GSE1: variants seen among roughly 807,000 people sequenced by gnomAD.
GSE1 encodes the protein Gse1 coiled-coil protein.
GSE1 carries 32 observed loss-of-function variants against 112.6 expected under a neutral mutation model. The observed-to-expected ratio is 0.28, with a 90% CI of 0.21 to 0.38. The LOEUF is 0.38. Ranked by LOEUF, GSE1 falls within the 10% of genes least tolerant of loss-of-function variation. GSE1 has a pLI of 1.00. For synonymous variants in GSE1, 1,115 were observed against 735.6 expected (o/e 1.52, Z -8.35); for missense variants, 2,348 against 1,699.2 (o/e 1.38, Z -6.71).
chr16:85,649,402 C>A (rs949334174), intron 3 of GSE1, among the ~76,000 whole-genome samples: 1 of 152,192 alleles, frequency 6.6e-6, no homozygotes, highest in African/African-American at 2.4e-5. Context: ...TAGGAAAGAT[C>A]CCAGCCCAGA....
intron 1 of GSE1, among the ~76,000 whole-genome samples, chr16:85,231,226 T>C (rs1306225192): frequency 2.8e-5 from 4 of 140,418 alleles, no homozygotes; most frequent in Non-Finnish European, 4.6e-5. Flanking sequence ...GATGGATGGA[T>C]GATGATGGAT....
At chr16:85,564,198 G>A (rs80025778) in intron 1 of GSE1, among the ~76,000 whole-genome samples, 12,072 of 152,318 alleles carry the variant, frequency 0.079, 681 homozygotes, top group Non-Finnish European at 0.13. Context: ...CCTGGAGGAG[G>A]TGGCACTAAA....
intron 1 of GSE1, among the ~76,000 whole-genome samples, chr16:85,176,552 T>TC (rs1196206884): frequency 2.0e-5 from 3 of 152,220 alleles, no homozygotes; most frequent in African/African-American, 7.2e-5. Context: ...CGAAGATGGG[T>TC]CTGCTGCATG....
At chr16:85,664,207 A>T (rs1244850913) in intron 11 of GSE1, among the ~76,000 whole-genome samples, 1 of 152,262 alleles carries the variant, frequency 6.6e-6, no homozygotes, top group Non-Finnish European at 1.5e-5. Context: ...CTTGGCCTGC[A>T]GCGCAGGCTG....
Position 85,673,715 on chromosome 16 carries a change from A to T in GSE1, c.*1176A>T, listed in dbSNP as rs1399879207. ...GCCCCCAGCATCTGGACAAGCTAAT[A>T]GCAAATATTACCCATTGCTATCAAG... On this transcript the variant is annotated 3_prime_UTR_variant, in exon 16 of 16. Transcript: ENST00000253458. 6.6e-6 allele frequency: 1 copy of T among 152,232 alleles called. No homozygotes were observed. The highest frequency in any genetic ancestry group is 1.5e-5 in the Non-Finnish European group (1 of 68,064). The allele number at this position is 152,232 out of a possible 1,614,324, so 9.4% of individuals were successfully genotyped here.
At chr16:85,433,725 G>T (rs897583187) in intron 2 of GSE1, among the ~76,000 whole-genome samples, 1 of 152,112 alleles carries the variant, frequency 6.6e-6, no homozygotes, top group Non-Finnish European at 1.5e-5. Flanking sequence ...GATAGATGGT[G>T]GATGGAGGGT....
intron 2 of GSE1, among the ~76,000 whole-genome samples, chr16:85,546,057 T>A (rs1487617000): frequency 1.3e-5 from 2 of 152,094 alleles, no homozygotes; most frequent in Non-Finnish European, 2.9e-5. Flanking sequence ...AGTGCTGGGA[T>A]TACAGGCGGG....
chr16:85,573,117 G>A (rs1234961692), intron 1 of GSE1, among the ~76,000 whole-genome samples: 1 of 152,168 alleles, frequency 6.6e-6, no homozygotes, highest in Non-Finnish European at 1.5e-5. Context: ...GCCCGCCTCG[G>A]CCTCACAAAG....
intron 2 of GSE1, among the ~76,000 whole-genome samples, chr16:85,517,264 T>G (rs2051980550): frequency 1.3e-5 from 2 of 151,896 alleles, no homozygotes; most frequent in African/African-American, 4.8e-5. Flanking sequence ...AGGAGATGGG[T>G]TACCTGAGGA....
intron 1 of GSE1, among the ~76,000 whole-genome samples, chr16:85,203,359 G>A (rs1280598926): frequency 6.6e-6 from 1 of 152,240 alleles, no homozygotes; most frequent in Non-Finnish European, 1.5e-5. Context: ...GGTGGGGCAG[G>A]TGCGGGATGC....
chr16:85,648,653 G>A lies in GSE1; in HGVS notation c.328G>A (p.Val110Ile), dbSNP rs138417000. The change falls in exon 3 of 16, where the codon GTC becomes ATC. Residue 110 changes from valine to isoleucine, a missense_variant. Physicochemically the swap from Val to Ile is conservative, Grantham distance 29. Transcript: ENST00000253458. ...GCGCGTGCCCATGGGCCCTATCATC[G>A]TCCCCCCTGGGGGCCACAGCGTGCC... The part of the protein sequence containing the change: ...PKRVPMGPII[V>I]PPGGHSVPST... The A allele has an allele frequency of 5.6e-5, 89 of 1,599,226 alleles. No homozygotes were observed. The highest frequency in any genetic ancestry group is 9.0e-5 in the East Asian group (4 of 44,400).
At position 85,331,411 on chromosome 16, in the gene GSE1, A is replaced by T. The variant is rs948316306; in HGVS notation, c.2284-26052A>T. Among the ~76,000 whole-genome samples, 7 of 138,376 alleles carry T rather than the reference A, an allele frequency of 5.1e-5. No individual in the cohort carries two copies. In the East Asian group the frequency reaches 1.4e-3, roughly 28 times the overall value. The allele number at this position is 138,376 out of a possible 152,430, so 90.8% of individuals were successfully genotyped here. On this transcript the variant is annotated intron_variant, in intron 1 of 2. Transcript: ENST00000637419. ...TATATATGTGTATATATGTATATAT[A>T]TGCGTATATATGTATATATGTATAT...
intron 1 of GSE1, chr16:85,283,012 G>A (rs917570914): frequency 6.6e-6 from 1 of 152,506 alleles, no homozygotes; most frequent in Non-Finnish European, 1.5e-5. Context: ...GGTCGGGCAG[G>A]GGGATCTGCT....
chr16:85,234,487 G>C (rs1904393139), intron 1 of GSE1, among the ~76,000 whole-genome samples: 1 of 152,220 alleles, frequency 6.6e-6, no homozygotes, highest in Non-Finnish European at 1.5e-5. Context: ...CCTGGAGACG[G>C]ATGGGCGGTT....
chr16:85,597,543 C>G (rs975448204), intron 1 of GSE1, among the ~76,000 whole-genome samples: 1 of 152,112 alleles, frequency 6.6e-6, no homozygotes, highest in African/African-American at 2.4e-5. Context: ...GATCATAGTT[C>G]ACTGCAGCCT....
chr16:85,391,730 G>T (rs2047842495), intron 2 of GSE1, among the ~76,000 whole-genome samples: 1 of 152,168 alleles, frequency 6.6e-6, no homozygotes, highest in African/African-American at 2.4e-5. Flanking sequence ...TGAATTGGGG[G>T]TGGGGACATT....
intron 2 of GSE1, among the ~76,000 whole-genome samples, chr16:85,487,654 C>T (rs1181173254): frequency 1.3e-5 from 2 of 152,076 alleles, no homozygotes; most frequent in African/African-American, 2.4e-5. Context: ...GGAATCACCC[C>T]GCGATACAAC....
chr16:85,198,316 C>T (rs1052033723), intron 1 of GSE1, among the ~76,000 whole-genome samples: 3 of 152,188 alleles, frequency 2.0e-5, no homozygotes, highest in South Asian at 2.1e-4. Flanking sequence ...ACGAGGTCAA[C>T]AGGGGATGAG....
intron 2 of GSE1, among the ~76,000 whole-genome samples, chr16:85,445,600 C>T (rs1175853784): frequency 2.0e-5 from 3 of 152,208 alleles, no homozygotes; most frequent in Non-Finnish European, 1.5e-5. Flanking sequence ...ATAGACAAGT[C>T]GCACTTTTAT....
Sources: allele counts gnomAD v4.1 joint callset (sites outside exome capture counted in the v4.1 genomes callset), GRCh38; gene constraint gnomAD v4.1.1; transcripts MANE v1.5; gene names NCBI Gene and HGNC (gene_info 2026-07-23, HGNC 2026-07-21).